The following ADGRB3 variants were observed in gnomAD, a reference collection of about 807,000 sequenced individuals.
The protein encoded by ADGRB3 is adhesion G protein-coupled receptor B3.
ADGRB3 carries 37 observed loss-of-function variants against 193.4 expected under a neutral mutation model. The observed-to-expected ratio is 0.19, with a 90% confidence interval of 0.15 to 0.25. ADGRB3 has a LOEUF of 0.25. ADGRB3 is among the 10% of genes least tolerant of loss of function. The pLI is 1.00. For synonymous variants in ADGRB3, 690 were observed against 644.2 expected, an observed-to-expected ratio of 1.07 and a Z score of -1.08; for missense variants, 1,637 against 1,852.9, an observed-to-expected ratio of 0.88 and a Z score of 2.14.
At position 68,638,971 on chromosome 6, in the gene ADGRB3, A is replaced by G; in HGVS notation, c.296A>G (p.Lys99Arg). The G allele has an allele frequency of 6.2e-7, 1 of 1,614,012 alleles. No individual in the cohort carries two copies. The change falls in exon 3 of 32, where the codon AAG becomes AGG. Residue 99 changes from lysine to arginine, a missense_variant. Transcript: ENST00000370598. The stretch of plus-strand genomic sequence containing the variant: ...GATCATTTTTCCCATGAAAAAATAA[A>G]GGATCTTTTAAGAAAGAATCATTCT... ...QFDHFSHEKI[K>R]DLLRKNHSIM...
At position 69,299,564 on chromosome 6, in the gene ADGRB3, C is replaced by G. The variant is rs1015368072; in HGVS notation, c.2815-25308C>G. Among the ~76,000 whole-genome samples, 9 of 151,886 alleles carry G rather than the reference C, an allele frequency of 5.9e-5. No homozygotes were observed. In the East Asian group the frequency reaches 1.7e-3, roughly 30 times the overall value. ...ATTTTAATTTGATTTTTGTTTATGG[C>G]AAGAGATAGGGGTCTAGTTTCATTC... On this transcript the variant is annotated intron_variant, in intron 20 of 31. Coordinates refer to ENST00000370598, the MANE Select transcript of ADGRB3 (RefSeq NM_001704.3).
chr6:68,890,975 G>A (rs754759967), intron 3 of ADGRB3, among the ~76,000 whole-genome samples: 11 of 152,104 alleles, frequency 7.2e-5, no homozygotes, highest in African/African-American at 2.2e-4. Flanking sequence ...GTATTAGTCC[G>A]TTTTCATGCT....
chr6:68,696,075 G>C (rs145386859), intron 3 of ADGRB3, among the ~76,000 whole-genome samples: 59 of 151,868 alleles, frequency 3.9e-4, no homozygotes, highest in African/African-American at 1.0e-3. Context: ...CTTTCCATTC[G>C]TCTTCTTGCC....
chr6:69,046,183 G>T (rs1771232444), intron 13 of ADGRB3, among the ~76,000 whole-genome samples: 1 of 152,112 alleles, frequency 6.6e-6, no homozygotes, highest in Admixed American at 6.5e-5. Context: ...GTCGAATAAT[G>T]TATCTTTTAT....
At chr6:68,689,811 G>C (rs1344800747) in intron 3 of ADGRB3, among the ~76,000 whole-genome samples, 1 of 152,022 alleles carries the variant, frequency 6.6e-6, no homozygotes, top group Non-Finnish European at 1.5e-5. Context: ...CATTATCAAA[G>C]GTGGATGAAT....
At chr6:69,293,415 A>G (rs982600564) in intron 20 of ADGRB3, among the ~76,000 whole-genome samples, 2 of 152,134 alleles carry the variant, frequency 1.3e-5, no homozygotes, top group African/African-American at 2.4e-5. Context: ...GAATGGGGAC[A>G]CTAGTTCAAA....
At chr6:68,944,586 T>A in intron 6 of ADGRB3, among the ~76,000 whole-genome samples, 1 of 152,170 alleles carries the variant, frequency 6.6e-6, no homozygotes, top group East Asian at 1.9e-4. Context: ...TTTTAAAATT[T>A]TTCTTTCCTT....
intron 17 of ADGRB3, among the ~76,000 whole-genome samples, chr6:69,131,349 T>A (rs1774002547): frequency 1.3e-5 from 2 of 152,202 alleles, no homozygotes; most frequent in South Asian, 4.1e-4. Flanking sequence ...TGGTATGTAA[T>A]TTCAATGAGT....
At position 68,975,359 on chromosome 6, in the gene ADGRB3, T is replaced by C; in HGVS notation, c.1734+19T>C. 1 of 1,575,088 alleles carries C rather than the reference T, an allele frequency of 6.3e-7. No individual in the cohort carries two copies. Among genetic ancestry groups the C allele is most frequent in the East Asian group, 2.2e-5 (1 of 44,588 alleles). ...GCATTCAGTAGGTGCAAAGCCAGCT[T>C]TAGTACTTGCTCTGTTTATTTTTTG... On this transcript the variant is annotated intron_variant, in intron 10 of 31. Transcript: ENST00000370598.
At chr6:69,332,085 A>G (rs1582637639) in intron 23 of ADGRB3, 1 of 985,276 alleles carries the variant, frequency 1.0e-6, no homozygotes. Flanking sequence ...AGAAGAACAT[A>G]TTTTTCATTT....
At chr6:68,646,051 T>C (rs1768205554) in intron 3 of ADGRB3, among the ~76,000 whole-genome samples, 1 of 152,160 alleles carries the variant, frequency 6.6e-6, no homozygotes, top group African/African-American at 2.4e-5. Flanking sequence ...AAACTCACAT[T>C]CTATTTCAGA....
At chr6:68,805,221 G>A (rs566469761) in intron 3 of ADGRB3, among the ~76,000 whole-genome samples, 2 of 152,298 alleles carry the variant, frequency 1.3e-5, no homozygotes, top group African/African-American at 4.8e-5. Context: ...GATTACAGGT[G>A]TGAGCCACTG....
At chr6:68,800,388 G>A (rs1375045881) in intron 3 of ADGRB3, among the ~76,000 whole-genome samples, 1 of 152,174 alleles carries the variant, frequency 6.6e-6, no homozygotes, top group African/African-American at 2.4e-5. Flanking sequence ...TCAGATGTGT[G>A]TTTGACTGTC....
At chr6:69,029,199 T>G (rs547503270) in intron 13 of ADGRB3, among the ~76,000 whole-genome samples, 3 of 152,240 alleles carry the variant, frequency 2.0e-5, no homozygotes, top group Non-Finnish European at 4.4e-5. Flanking sequence ...TGTTCTATAT[T>G]TCTACATCAA....
In ADGRB3 at chr6:69,076,176, A is replaced by G. The variant is rs901958504; in HGVS notation, c.2480+138A>G. 60 of 712,768 alleles carry G rather than the reference A, an allele frequency of 8.4e-5. No individual in the cohort carries two copies. In the African/African-American group the frequency reaches 9.9e-4, roughly 12 times the overall value. The allele number at this position is 712,768 out of a possible 1,614,324, so 44.2% of individuals were successfully genotyped here. A position where few individuals can be genotyped will look rare whatever the true frequency, so the allele number is the denominator to read the frequency against. The stretch of plus-strand genomic sequence containing the variant: ...AGAGAAAAAAAAATCCTCTTTTTGA[A>G]TCTTCAGGACAGCATGATGAATGTG... On this transcript the variant is annotated intron_variant, in intron 17 of 31. Coordinates refer to ENST00000370598, the MANE Select transcript of ADGRB3 (RefSeq NM_001704.3).
chr6:69,060,216 CTCTT>C (rs1283777836), intron 15 of ADGRB3, among the ~76,000 whole-genome samples: 1 of 139,158 alleles, frequency 7.2e-6, no homozygotes, highest in Non-Finnish European at 1.6e-5. Context: ...GTCTCTCTCT[CTCTT>C]TCTCTCTCTC....
intron 5 of ADGRB3, among the ~76,000 whole-genome samples, chr6:68,941,445 T>G (rs577678554): frequency 6.6e-6 from 1 of 152,298 alleles, no homozygotes; most frequent in South Asian, 2.1e-4. Context: ...TTTCTGAAGA[T>G]TCCAGTTTCA....
Position 69,135,698 on chromosome 6 carries a change from G to A in ADGRB3, c.2480+59660G>A, listed in dbSNP as rs557055999. Among the ~76,000 whole-genome samples, 21 of 152,046 alleles carry A rather than the reference G, an allele frequency of 1.4e-4. No homozygotes were observed. The East Asian group carries it at 3.5e-3, about 25-fold the overall frequency. ...AAGGACCAATTTCAACTCTTAACTT[G>A]GAAAATTCAGCAACTTATGTTTTTT... On this transcript the variant is annotated intron_variant, in intron 17 of 31. Transcript: ENST00000370598.
At chr6:69,068,096 A>G (rs1190995352) in intron 16 of ADGRB3, among the ~76,000 whole-genome samples, 3 of 152,196 alleles carry the variant, frequency 2.0e-5, no homozygotes, top group Non-Finnish European at 4.4e-5. Context: ...AAAGTAACTT[A>G]CAACAGATGG....
Sources: allele counts gnomAD v4.1 joint callset (sites outside exome capture counted in the v4.1 genomes callset), GRCh38; gene constraint gnomAD v4.1.1; transcripts MANE v1.5; gene names NCBI Gene and HGNC (gene_info 2026-07-23, HGNC 2026-07-21).